LIPC: variants seen among roughly 807,000 people sequenced by gnomAD.
LIPC encodes hepatic triacylglycerol lipase.
A neutral mutation model predicts 50.7 loss-of-function variants in LIPC; 44 were observed. The ratio of observed to expected loss-of-function variants is 0.87; its 90% CI spans 0.68 to 1.11. LIPC has a LOEUF of 1.11. Ranked by LOEUF, LIPC falls within the 50% of genes most tolerant of loss-of-function variation. The pLI is 0.00. For missense variants in LIPC, 697 were observed against 648.2 expected, an observed-to-expected ratio of 1.08 and a Z score of -0.82; for synonymous variants, 271 against 256.4, an observed-to-expected ratio of 1.06 and a Z score of -0.54.
At chr15:58,508,366 C>G (rs373968923) in intron 1 of LIPC, among the ~76,000 whole-genome samples, 1 of 152,052 alleles carries the variant, frequency 6.6e-6, no homozygotes, top group African/African-American at 2.4e-5. Flanking sequence ...CAAATTAAGC[C>G]GATCATCCCC....
chr15:58,545,507 G>A (rs558386888), intron 4 of LIPC, among the ~76,000 whole-genome samples: 27 of 152,232 alleles, frequency 1.8e-4, no homozygotes, highest in East Asian at 1.7e-3. Context: ...GAGAGTTTCC[G>A]CAAACCTCTT....
chr15:58,538,298 C>A, intron 1 of LIPC, 35 bp from the exon 2 acceptor site: 1 of 1,607,500 alleles, frequency 6.2e-7, no homozygotes, highest in Non-Finnish European at 8.5e-7. Context: ...GAAGCAGATG[C>A]CAGGCTAAGC....
intron 1 of LIPC, among the ~76,000 whole-genome samples, chr15:58,441,716 CATA>C (rs1451354564): frequency 6.6e-6 from 1 of 152,128 alleles, no homozygotes; most frequent in Non-Finnish European, 1.5e-5. Context: ...GATTCGGCAT[CATA>C]ATAATTTAAT....
At chr15:58,501,745 T>C (rs1212094187) in intron 1 of LIPC, among the ~76,000 whole-genome samples, 2 of 152,088 alleles carry the variant, frequency 1.3e-5, no homozygotes, top group Non-Finnish European at 2.9e-5. Context: ...ACCAAGATTT[T>C]TTTTAGAACA....
At chr15:58,464,951 C>A (rs1049208177) in intron 1 of LIPC, among the ~76,000 whole-genome samples, 1 of 152,086 alleles carries the variant, frequency 6.6e-6, no homozygotes, top group Non-Finnish European at 1.5e-5. Context: ...CCAGCCTGGG[C>A]AACAGAGTGA....
At chr15:58,516,615 T>C (rs1329865104) in intron 1 of LIPC, among the ~76,000 whole-genome samples, 4 of 152,228 alleles carry the variant, frequency 2.6e-5, no homozygotes, top group East Asian at 1.9e-4. Flanking sequence ...CTGTTATTCA[T>C]CCCACCTAAT....
intron 4 of LIPC, among the ~76,000 whole-genome samples, chr15:58,543,380 C>G (rs1043368572): frequency 1.3e-5 from 2 of 152,060 alleles, no homozygotes; most frequent in African/African-American, 4.8e-5. Context: ...AGTGCCCCAG[C>G]CTCTCCTCCT....
intron 1 of LIPC, among the ~76,000 whole-genome samples, chr15:58,467,608 G>A (rs967307185): frequency 1.3e-5 from 2 of 152,208 alleles, no homozygotes; most frequent in African/African-American, 2.4e-5. Flanking sequence ...CCTTCCTGCC[G>A]ACATTTGCTC....
At chr15:58,485,916 CA>C (rs1240142783) in intron 1 of LIPC, among the ~76,000 whole-genome samples, 2 of 152,298 alleles carry the variant, frequency 1.3e-5, no homozygotes, top group East Asian at 3.9e-4. Flanking sequence ...AGGACGTCGG[CA>C]AGGGAACAGA....
intron 1 of LIPC, among the ~76,000 whole-genome samples, chr15:58,452,713 C>G (rs1281640902): frequency 1.9e-5 from 2 of 104,320 alleles, no homozygotes; most frequent in African/African-American, 7.4e-5. Flanking sequence ...TCTGGAGCAC[C>G]GTGGGGTAGG....
intron 5 of LIPC, 103 bp from the exon 6 acceptor site, chr15:58,548,227 G>A (rs1390940545): frequency 2.0e-6 from 3 of 1,501,502 alleles, no homozygotes; most frequent in East Asian, 2.3e-5. Context: ...CCTGTTCTGT[G>A]TGCTACTGCT....
chr15:58,549,753 A>G (rs4775077), intron 6 of LIPC, among the ~76,000 whole-genome samples: 147,577 of 152,270 alleles, frequency 0.97, 71,693 homozygotes, highest in East Asian at 1. Context: ...GGGTGCGCAC[A>G]GCATCTGAAG....
intron 1 of LIPC, among the ~76,000 whole-genome samples, chr15:58,452,954 C>T (rs758780752): frequency 7.2e-5 from 11 of 152,182 alleles, no homozygotes; most frequent in Non-Finnish European, 1.5e-4. Context: ...TTTCTGAGGG[C>T]CCTATCGGTG....
chr15:58,460,267 C>T (rs1894293770), intron 1 of LIPC, among the ~76,000 whole-genome samples: 1 of 152,192 alleles, frequency 6.6e-6, no homozygotes, highest in African/African-American at 2.4e-5. Context: ...GGAGTTCTAA[C>T]TCTGCAGGAG....
chr15:58,447,784 C>A (rs1036326784), intron 1 of LIPC, among the ~76,000 whole-genome samples: 1 of 152,222 alleles, frequency 6.6e-6, no homozygotes, highest in Non-Finnish European at 1.5e-5. Flanking sequence ...GCCACTGGTC[C>A]CTGAACTACA....
intron 2 of LIPC, among the ~76,000 whole-genome samples, chr15:58,540,362 G>T (rs1377796941): frequency 6.6e-6 from 1 of 151,924 alleles, no homozygotes; most frequent in Non-Finnish European, 1.5e-5. Flanking sequence ...TGCTCTAAGC[G>T]CTTTAGATCT....
chr15:58,540,196 A>G lies in LIPC; in HGVS notation c.274-1589A>G, dbSNP rs1893273630. 2.6e-5 allele frequency among the ~76,000 whole-genome samples: 4 copies of G among 152,350 alleles called. No homozygotes were observed. In the South Asian group the frequency reaches 8.3e-4, roughly 32 times the overall value. ...ATAAATGCAACATGAGGACCACAGG[A>G]GCCTCTTACCAGGATGCTTTTACCA... is the stretch of plus-strand genomic sequence containing the variant. On this transcript the variant is annotated intron_variant, in intron 2 of 8. Transcript: ENST00000299022.
At chr15:58,508,943 G>A (rs4581653) in intron 1 of LIPC, among the ~76,000 whole-genome samples, 119,776 of 151,998 alleles carry the variant, frequency 0.79, 47,568 homozygotes, top group African/African-American at 0.89. Flanking sequence ...CTACTTGTAG[G>A]CAGAGCTCCC....
chr15:58,475,724 A>G (rs1001824946), intron 1 of LIPC, among the ~76,000 whole-genome samples: 4 of 152,220 alleles, frequency 2.6e-5, no homozygotes, highest in African/African-American at 9.6e-5. Context: ...TGGATTTGCA[A>G]CAAAGGGAGC....
Sources: gnomAD v4.1 joint callset for allele counts (sites outside exome capture counted in the v4.1 genomes callset) on GRCh38, gnomAD v4.1.1 for gene constraint, MANE v1.5 for transcripts, NCBI Gene and HGNC (gene_info 2026-07-23, HGNC 2026-07-21) for gene names.